The following PPP2R3C variants were observed in gnomAD, a reference collection of about 807,000 sequenced individuals.
PPP2R3C encodes serine/threonine-protein phosphatase 2A regulatory subunit B'' subunit gamma.
Under a neutral mutation model 63.7 loss-of-function variants are expected in PPP2R3C, and 47 were observed. The ratio of observed to expected loss-of-function variants is 0.74; its 90% CI spans 0.58 to 0.94. The LOEUF is 0.94. Ranked by LOEUF, PPP2R3C falls within the 40% of genes least tolerant of loss-of-function variation. The probability of loss-of-function intolerance (pLI) is 0.00; values close to 1 mark genes in which losing one functional copy is unlikely to be tolerated. For synonymous variants in PPP2R3C, 180 were observed against 177.4 expected (o/e 1.01, Z -0.12); for missense variants, 421 against 518.4 (o/e 0.81, Z 1.82).
At chr14:35,090,965 TC>T in intron 11 of PPP2R3C, 104 bp downstream of exon 11, 1 of 1,064,236 alleles carries the variant, frequency 9.4e-7, no homozygotes, top group Non-Finnish European at 1.3e-6. Context: ...TCCACCTGCC[TC>T]GGCCTCCCAA....
intron 11 of PPP2R3C, among the ~76,000 whole-genome samples, chr14:35,089,919 C>T (rs2045742815): frequency 6.6e-6 from 1 of 152,092 alleles, no homozygotes; most frequent in Non-Finnish European, 1.5e-5. Flanking sequence ...CCCACCCTGG[C>T]CTCCCAAAGT....
At position 35,099,386 on chromosome 14, in the gene PPP2R3C, TG is replaced by T; in HGVS notation, c.574-3del. 1 of 1,589,128 alleles carries T rather than the reference TG, an allele frequency of 6.3e-7. No individual in the cohort carries two copies. The highest frequency in any genetic ancestry group is 8.5e-7 in the Non-Finnish European group (1 of 1,174,586). On this transcript the variant is annotated splice_polypyrimidine_tract_variant and splice_region_variant and intron_variant, in intron 6 of 12. Coordinates refer to ENST00000261475, the MANE Select transcript of PPP2R3C (RefSeq NM_017917.4). Reference sequence around the variant, plus strand: ...TTCCAATATGTAGTTTTCTAAATCCTGAAAATAAAACAAAATAAAGTGTTAA... The same window carrying T: ...TTCCAATATGTAGTTTTCTAAATCCTAAAATAAAACAAAATAAAGTGTTAA...
intron 4 of PPP2R3C, 87 bp from the exon 5 acceptor site, chr14:35,108,323 C>T (rs1414169489): frequency 7.0e-7 from 1 of 1,421,736 alleles, no homozygotes; most frequent in Non-Finnish European, 9.3e-7. Flanking sequence ...GGCATAAATT[C>T]ATACAATTAA....
rs138720087 is a variant in PPP2R3C, at chr14:35,111,642, A to G, written c.187-1013T>C. On this transcript the variant is annotated intron_variant, in intron 2 of 12. Coordinates refer to ENST00000261475, the MANE Select transcript of PPP2R3C (RefSeq NM_017917.4). ...GCAACATCCTCAATTACTCCTGTAA[A>G]TAACATCACTATTGTAGTACACAGG... Among the ~76,000 whole-genome samples the G allele has an allele frequency of 2.3e-3, 347 of 152,338 alleles. 2 individuals are homozygous for G. Among genetic ancestry groups the G allele is most frequent in the African/African-American group, 8.0e-3 (334 of 41,570 alleles).
At chr14:35,097,224 A>C (rs1244063426) in intron 7 of PPP2R3C, among the ~76,000 whole-genome samples, 1 of 131,864 alleles carries the variant, frequency 7.6e-6, no homozygotes, top group Non-Finnish European at 1.6e-5. Flanking sequence ...CCCACCCTGC[A>C]AAAAAAAAAG....
At chr14:35,112,143 G>A (rs888326157) in intron 2 of PPP2R3C, among the ~76,000 whole-genome samples, 25 of 152,346 alleles carry the variant, frequency 1.6e-4, no homozygotes, top group Admixed American at 1.4e-3. Flanking sequence ...CTTGGAGACA[G>A]TCAAGGCAGT....
intron 2 of PPP2R3C, among the ~76,000 whole-genome samples, chr14:35,112,250 C>A (rs2046585453): frequency 6.6e-6 from 1 of 152,110 alleles, no homozygotes; most frequent in Non-Finnish European, 1.5e-5. Context: ...TGACTTAGAA[C>A]AATTTGCTTT....
chr14:35,115,083 C>T (rs1334868341), intron 2 of PPP2R3C, among the ~76,000 whole-genome samples: 6 of 151,710 alleles, frequency 4.0e-5, no homozygotes, highest in Non-Finnish European at 4.4e-5. Flanking sequence ...ATTCTCCCTT[C>T]CTCACCCTCT....
chr14:35,092,718 C>G (rs186852383), intron 10 of PPP2R3C, among the ~76,000 whole-genome samples: 1 of 152,176 alleles, frequency 6.6e-6, no homozygotes, highest in Admixed American at 6.5e-5. Flanking sequence ...CCACCCACCT[C>G]GGCCTCCCAA....
At chr14:35,108,680 G>T (rs1235087405) in intron 4 of PPP2R3C, among the ~76,000 whole-genome samples, 1 of 152,010 alleles carries the variant, frequency 6.6e-6, no homozygotes, top group East Asian at 1.9e-4. Flanking sequence ...TGAGGCAGGA[G>T]AATCACTTGA....
At chr14:35,090,809 G>A (rs534098359) in intron 11 of PPP2R3C, among the ~76,000 whole-genome samples, 19 of 144,094 alleles carry the variant, frequency 1.3e-4, no homozygotes, top group African/African-American at 3.4e-4. Context: ...TCTGCCTCCC[G>A]GGTTCACGCC....
At chr14:35,089,774 TC>T (rs1253434783) in intron 11 of PPP2R3C, among the ~76,000 whole-genome samples, 4 of 152,092 alleles carry the variant, frequency 2.6e-5, no homozygotes, top group Admixed American at 2.0e-4. Context: ...CATGCCATTC[TC>T]CTGCCTCAGC....
chr14:35,109,126 G>T (rs994557910), intron 4 of PPP2R3C, among the ~76,000 whole-genome samples: 1 of 150,530 alleles, frequency 6.6e-6, no homozygotes, highest in Non-Finnish European at 1.5e-5. Context: ...GCACGATCTC[G>T]GCTCACTGCA....
chr14:35,091,146 A>G lies in PPP2R3C; in HGVS notation c.1037T>C (p.Leu346Pro). 1 of 1,608,592 alleles carries G rather than the reference A, an allele frequency of 6.2e-7. No individual in the cohort carries two copies. Among genetic ancestry groups the G allele is most frequent in the East Asian group, 2.2e-5 (1 of 44,836 alleles). Reference protein sequence around the residue: ...ALENRKEPAALQYIFKLLDIE... With the variant: ...ALENRKEPAAPQYIFKLLDIE... ...ATCAAGCAGTTTGAAAATATATTGT[A>G]GAGCTGCAGGTTCCTTTCTGTTTTC... The change falls in exon 11 of 13, where the codon CTA (leucine) becomes CCA (proline). Residue 346 changes from leucine to proline, a missense_variant. This residue lies in a region of PPP2R3C where 231 missense variants were observed against 264.8 expected (regional missense o/e 0.87). Coordinates refer to ENST00000261475, the MANE Select transcript of PPP2R3C (RefSeq NM_017917.4).
intron 6 of PPP2R3C, chr14:35,101,916 T>TAA (rs2046204961): frequency 7.2e-5 from 11 of 152,160 alleles, no homozygotes; most frequent in Admixed American, 7.2e-4. Context: ...TATAGATCTT[T>TAA]AAAAATTTAG....
intron 12 of PPP2R3C, 142 bp from the exon 13 acceptor site, chr14:35,085,920 T>A (rs2045578352): frequency 1.5e-6 from 1 of 657,774 alleles, no homozygotes; most frequent in South Asian, 2.6e-5. Flanking sequence ...ATGTTAATTT[T>A]TTGTTCTACT....
At position 35,099,340 on chromosome 14, in the gene PPP2R3C, T is replaced by C. The variant is rs765810740; in HGVS notation, c.618A>G (p.Gln206=). The change falls in exon 7 of 13, where the codon CAA becomes CAG. Residue 206 remains glutamine (Q), a synonymous_variant. Coordinates refer to ENST00000261475, the MANE Select transcript of PPP2R3C (RefSeq NM_017917.4). ...AGAAAGATTTTTCCAGACCATCTAA[T>C]TGTGGCAACGTAGGGATAAGTTCCA... The part of the protein sequence containing the change: ...YILELIPTLP[Q]LDGLEKSFYS... 1.2e-5 allele frequency: 20 copies of C among 1,602,072 alleles called. No individual in the cohort carries two copies. The Admixed American group carries it at 1.8e-4, about 14-fold the overall frequency.
intron 9 of PPP2R3C, 135 bp from the exon 10 acceptor site, chr14:35,095,319 A>G (rs2138629425): frequency 4.7e-6 from 4 of 847,574 alleles, no homozygotes; most frequent in Non-Finnish European, 7.2e-6. Context: ...GTAGTGGCCT[A>G]TGTGTAATAC....
intron 12 of PPP2R3C, 21 bp from the exon 13 acceptor site, chr14:35,085,799 C>A: frequency 6.4e-7 from 1 of 1,564,528 alleles, no homozygotes. Flanking sequence ...AAAAAAAATA[C>A]AATGAAATTT....
Sources: gnomAD v4.1 joint callset for allele counts (sites outside exome capture counted in the v4.1 genomes callset) on GRCh38, gnomAD v4.1.1 for gene constraint, gnomAD v4.1.1 regional missense constraint, MANE v1.5 for transcripts, NCBI Gene and HGNC (gene_info 2026-07-23, HGNC 2026-07-21) for gene names.